PHF1: variants seen among roughly 807,000 people sequenced by gnomAD.
The protein encoded by PHF1 is PHD finger protein 1, also known as polycomb-like 1.
Under a neutral mutation model 69.4 loss-of-function variants are expected in PHF1, and 16 were observed. That is an observed-to-expected ratio of 0.23 (90% CI 0.16 to 0.35). The LOEUF is 0.35. Ranked by LOEUF, PHF1 falls within the 10% of genes least tolerant of loss-of-function variation. The probability of loss-of-function intolerance (pLI) is 1.00; values close to 1 mark genes in which losing one functional copy is unlikely to be tolerated. For synonymous variants in PHF1, 274 were observed against 275.0 expected (o/e 1.00, Z 0.04); for missense variants, 515 against 732.8 (o/e 0.70, Z 3.43).
chr6:33,415,338 TCCTCTG>T lies in PHF1; in HGVS notation c.1334+12_1334+17del. 6.3e-7 allele frequency: 1 copy of T among 1,598,478 alleles called. No homozygotes were observed. Among genetic ancestry groups the T allele is most frequent in the Non-Finnish European group, 8.6e-7 (1 of 1,167,664 alleles). ...GCCCGCTGCCTGCCCAGGTCAGTGC[TCCTCTG>T]CCCCTCCCCCACAAAATATGCTCCC... On this transcript the variant is annotated intron_variant, in intron 13 of 14. Coordinates refer to ENST00000374516, the MANE Select transcript of PHF1 (RefSeq NM_024165.3).
Position 33,412,164 on chromosome 6 carries a change from G to GAAA in PHF1, c.-16-70_-16-68dup, listed in dbSNP as rs576149310. On this transcript the variant is annotated intron_variant, in intron 1 of 14. Coordinates refer to ENST00000374516, the MANE Select transcript of PHF1 (RefSeq NM_024165.3). The surrounding 1 kb of genome is among the most constrained non-coding windows in gnomAD (Gnocchi z 4.2). ...GCGACAGAGCAAAACTCCATCTCAG[G>GAAA]AAAAAAAAAAAAAAAAGAAAAAGAA... 580 of 829,612 alleles carry GAAA rather than the reference G, an allele frequency of 7.0e-4. No homozygotes were observed. The highest frequency in any genetic ancestry group is 2.6e-3 in the South Asian group (138 of 54,106). 51.4% of individuals were successfully genotyped at this position (829,612 alleles called of 1,614,324 possible). A position where few individuals can be genotyped will look rare whatever the true frequency, so the allele number is the denominator to read the frequency against.
chr6:33,413,335 C>T, intron 5 of PHF1, 39 bp downstream of exon 5: 6 of 1,610,822 alleles, frequency 3.7e-6, no homozygotes, highest in Non-Finnish European at 5.1e-6. Flanking sequence ...GTGGGAGCCT[C>T]CCATCCACAG....
Position 33,415,137 on chromosome 6 carries a change from C to T in PHF1, c.1232C>T (p.Ala411Val). 1 of 1,613,696 alleles carries T rather than the reference C, an allele frequency of 6.2e-7. No homozygotes were observed. The highest frequency in any genetic ancestry group is 8.5e-7 in the Non-Finnish European group (1 of 1,179,722). ...EQRERAHLQR[A>V]LQASVSPPSP... ...AGGGAGCGGGCTCATCTGCAGAGGG[C>T]ACTGCAGGTACTGGAGCAGGGGGAA... The change falls in exon 12 of 15, where the codon GCA becomes GTA. Residue 411 changes from alanine (A) to valine (V), a missense_variant. Transcript: ENST00000374516.
intron 5 of PHF1, 28 bp downstream of exon 5, chr6:33,413,324 T>A (rs1219397530): frequency 6.2e-7 from 1 of 1,610,810 alleles, no homozygotes; most frequent in African/African-American, 1.3e-5. Context: ...TTACCCTTCC[T>A]GTGGGAGCCT....
chr6:33,411,523 G>C (rs934807030), intron 1 of PHF1, among the ~76,000 whole-genome samples: 3 of 152,164 alleles, frequency 2.0e-5, no homozygotes, highest in Non-Finnish European at 1.5e-5. Context: ...TTCTGCTCTG[G>C]AAAACATCTC....
Position 33,412,880 on chromosome 6 carries a change from G to A in PHF1, c.337+87G>A. The A allele has an allele frequency of 3.6e-6, 4 of 1,125,998 alleles. No individual in the cohort carries two copies. Among genetic ancestry groups the A allele is most frequent in the Non-Finnish European group, 5.4e-6 (4 of 741,832 alleles). 69.8% of individuals were successfully genotyped at this position (1,125,998 alleles called of 1,614,324 possible). A position where few individuals can be genotyped will look rare whatever the true frequency, so the allele number is the denominator to read the frequency against. ...CACCTGTCCTGGCCTTAGTCCCCAA[G>A]CCACTGCTCTGGCCAGGCTGCTTAG... is the stretch of plus-strand genomic sequence containing the variant. On this transcript the variant is annotated intron_variant, in intron 4 of 14. Coordinates refer to ENST00000374516, the MANE Select transcript of PHF1 (RefSeq NM_024165.3). This position sits in a 1 kb window ranked among gnomAD's most constrained non-coding sequence, Gnocchi z 4.2.
rs35768190 is a variant in PHF1 at position 33,414,255 on chromosome 6, C to A, written c.765C>A (p.Ala255=). The A allele has an allele frequency of 2.5e-6, 4 of 1,613,864 alleles. No individual in the cohort carries two copies. The highest frequency in any genetic ancestry group is 3.4e-6 in the Non-Finnish European group (4 of 1,180,036). ...TTTGTTTTTCCAGGGTGGATGTGGC[C>A]CATCTTGTCCTGTATCACCTCAGTG... ...RRLQLRWVDV[A]HLVLYHLSVC... is the part of the protein sequence containing the mutation. Residue 255 remains alanine, a synonymous_variant, in exon 9 of 15, where the codon GCC becomes GCA. Transcript: ENST00000374516. The surrounding 1 kb of genome is among the most constrained non-coding windows in gnomAD (Gnocchi z 5.0).
chr6:33,412,052 C>A lies in PHF1; in HGVS notation c.-16-196C>A, dbSNP rs532869059. Reference sequence around the variant, plus strand: ...TGGCATGCGCCTGTAATCCCACCTACTTGGGAGACTGAGGCAGGAGAATTG... The same window carrying A: ...TGGCATGCGCCTGTAATCCCACCTAATTGGGAGACTGAGGCAGGAGAATTG... On this transcript the variant is annotated intron_variant, in intron 1 of 14. Transcript: ENST00000374516. The surrounding 1 kb of genome is among the most constrained non-coding windows in gnomAD (Gnocchi z 4.2). Among the ~76,000 whole-genome samples, 1 of 151,856 alleles carries A rather than the reference C, an allele frequency of 6.6e-6. No individual in the cohort carries two copies. Among genetic ancestry groups the A allele is most frequent in the African/African-American group, 2.4e-5 (1 of 41,266 alleles).
rs1297260046 is a variant in PHF1, at chr6:33,412,277, C to T, written c.14C>T (p.Pro5Leu). 1.9e-6 allele frequency: 3 copies of T among 1,613,578 alleles called. No individual in the cohort carries two copies. Among genetic ancestry groups the T allele is most frequent in the Non-Finnish European group, 2.5e-6 (3 of 1,179,922 alleles). Residue 5 changes from proline (P) to leucine (L), a missense_variant, in exon 2 of 15, where the codon CCC (proline) becomes CTC (leucine). Physicochemically the swap from Pro to Leu is moderately conservative, Grantham distance 98 (BLOSUM62 -3). Coordinates refer to ENST00000374516, the MANE Select transcript of PHF1 (RefSeq NM_024165.3). The surrounding 1 kb of genome is among the most constrained non-coding windows in gnomAD (Gnocchi z 4.2). MAQP[P>L]RLSRSGASSL... The stretch of plus-strand genomic sequence containing the variant: ...CCCCAGGATGCAATGGCGCAGCCCC[C>T]CCGGCTGAGCCGCTCTGGTGCCTCC...
At chr6:33,415,169 G>A in intron 12 of PHF1, 25 bp downstream of exon 12, 1 of 1,613,640 alleles carries the variant, frequency 6.2e-7, no homozygotes, top group Non-Finnish European at 8.5e-7. Flanking sequence ...GGAACCCGAT[G>A]GAGCAAATGG....
In PHF1 at chr6:33,414,699, C is replaced by G; in HGVS notation, c.945-26C>G. 1 of 1,589,730 alleles carries G rather than the reference C, an allele frequency of 6.3e-7. No homozygotes were observed. The highest frequency in any genetic ancestry group is 8.6e-7 in the Non-Finnish European group (1 of 1,158,628). On this transcript the variant is annotated intron_variant, in intron 10 of 14. Transcript: ENST00000374516. This position sits in a 1 kb window ranked among gnomAD's most constrained non-coding sequence, Gnocchi z 5.0. ...GGAACCGTTTTTTACAGCACTGACC[C>G]TATATCATTTCTCTTCTTGCCCCAG...
chr6:33,415,064 CT>C lies in PHF1; in HGVS notation c.1160del (p.Leu387ArgfsTer107). 1 of 1,608,626 alleles carries C rather than the reference CT, an allele frequency of 6.2e-7. No homozygotes were observed. The highest frequency in any genetic ancestry group is 8.5e-7 in the Non-Finnish European group (1 of 1,177,538). ...RRRQKGKVEE[L>X]GPPSAVRNQP... ...GAGGCAGAAGGGGAAAGTGGAGGAG[CT>C]GGGGCCACCCTCAGCAGTGCGCAAT... is the stretch of plus-strand genomic sequence containing the variant. On this transcript the variant is annotated frameshift_variant, in exon 12 of 15. Coordinates refer to ENST00000374516, the MANE Select transcript of PHF1 (RefSeq NM_024165.3). LOFTEE classifies it high-confidence loss of function.
chr6:33,412,284 G>C lies in PHF1; in HGVS notation c.21G>C (p.Leu7=). The C allele has an allele frequency of 1.2e-6, 2 of 1,613,890 alleles. No homozygotes were observed. Among genetic ancestry groups the C allele is most frequent in the Non-Finnish European group, 1.7e-6 (2 of 1,180,024 alleles). Residue 7 remains leucine, a synonymous_variant, in exon 2 of 15, where the codon CTG becomes CTC. Coordinates refer to ENST00000374516, the MANE Select transcript of PHF1 (RefSeq NM_024165.3). The surrounding 1 kb of genome is among the most constrained non-coding windows in gnomAD (Gnocchi z 4.2). ...ATGCAATGGCGCAGCCCCCCCGGCT[G>C]AGCCGCTCTGGTGCCTCCTCACTTT... is the stretch of plus-strand genomic sequence containing the variant. MAQPPR[L]SRSGASSLWD...
rs1454779217 is a variant in PHF1, at chr6:33,412,401, A to G, written c.138A>G (p.Leu46=). 27 of 1,614,192 alleles carry G rather than the reference A, an allele frequency of 1.7e-5. No individual in the cohort carries two copies. Among genetic ancestry groups the G allele is most frequent in the Non-Finnish European group, 2.1e-5 (25 of 1,180,028 alleles). ...DVLARWTDGL[L]YLGTIKKVDS... Reference sequence around the variant, plus strand: ...TGGCCAGATGGACTGATGGGCTGCTATACTTGGGTACCATCAAAAAGGTAA... The same window carrying G: ...TGGCCAGATGGACTGATGGGCTGCTGTACTTGGGTACCATCAAAAAGGTAA... The change falls in exon 2 of 15, where the codon CTA becomes CTG. Residue 46 remains leucine (L), a synonymous_variant. Transcript: ENST00000374516. The surrounding 1 kb of genome is among the most constrained non-coding windows in gnomAD (Gnocchi z 4.2).
intron 7 of PHF1, 99 bp from the exon 8 acceptor site, chr6:33,413,942 G>C: frequency 6.5e-7 from 1 of 1,545,450 alleles, no homozygotes; most frequent in Non-Finnish European, 8.9e-7. Context: ...CCTCTGCAGC[G>C]TTACCTCACC....
In PHF1 at chr6:33,413,904, G is replaced by A. The variant is rs554374549; in HGVS notation, c.683+73G>A. ...CGTGTTCCACCCTCAGTTCTCCCAC[G>A]CCCTTCTCCACTCCAGTCTCTTCCC... is the stretch of plus-strand genomic sequence containing the variant. On this transcript the variant is annotated intron_variant, in intron 7 of 14. Transcript: ENST00000374516. The A allele has an allele frequency of 2.3e-4, 347 of 1,527,540 alleles. 3 individuals carry two copies. Among genetic ancestry groups the A allele is most frequent in the South Asian group, 2.0e-3 (182 of 88,834 alleles). 94.6% of individuals were successfully genotyped at this position (1,527,540 alleles called of 1,614,324 possible). A position where few individuals can be genotyped will look rare whatever the true frequency, so the allele number is the denominator to read the frequency against.
chr6:33,415,442 C>A, intron 13 of PHF1, 113 bp downstream of exon 13: 2 of 1,220,460 alleles, frequency 1.6e-6, no homozygotes, highest in Non-Finnish European at 1.2e-6. Flanking sequence ...CACTTCTTGG[C>A]CTAGACCGAC....
rs923783326 is a variant in PHF1, at chr6:33,416,287, C to T, written c.*189C>T. The T allele has an allele frequency of 2.0e-6, 1 of 491,520 alleles. No individual in the cohort carries two copies. Among genetic ancestry groups the T allele is most frequent in the Admixed American group, 3.7e-5 (1 of 26,970 alleles). The allele number at this position is 491,520 out of a possible 1,614,324, so 30.4% of individuals were successfully genotyped here. ...TCTACCCTCCTTCATGATTCCTGACCCCTCCCATCCTTCCCATTTCCTTTG... is the reference window on the plus strand; with the variant it reads ...TCTACCCTCCTTCATGATTCCTGACTCCTCCCATCCTTCCCATTTCCTTTG... On this transcript the variant is annotated 3_prime_UTR_variant, in exon 15 of 15. Coordinates refer to ENST00000374516, the MANE Select transcript of PHF1 (RefSeq NM_024165.3).
Position 33,416,396 on chromosome 6 carries a change from G to T in PHF1, c.*298G>T. ...GAGACTGAGGAGGGAGGATGATAAG[G>T]GATCCCGGACTCTGTATGATTGAAA... On this transcript the variant is annotated 3_prime_UTR_variant, in exon 15 of 15. Coordinates refer to ENST00000374516, the MANE Select transcript of PHF1 (RefSeq NM_024165.3). 2.0e-6 allele frequency: 1 copy of T among 498,934 alleles called. No homozygotes were observed. Among genetic ancestry groups the T allele is most frequent in the Non-Finnish European group, 3.5e-6 (1 of 281,888 alleles). The allele number at this position is 498,934 out of a possible 1,614,324, so 30.9% of individuals were successfully genotyped here. A position where few individuals can be genotyped will look rare whatever the true frequency, so the allele number is the denominator to read the frequency against.
Sources: allele counts gnomAD v4.1 joint callset (sites outside exome capture counted in the v4.1 genomes callset), GRCh38; gene constraint gnomAD v4.1.1; non-coding constraint Gnocchi (gnomAD v3.1); transcripts MANE v1.5; gene names NCBI Gene and HGNC (gene_info 2026-07-23, HGNC 2026-07-21).